Variants in VANGL1 observed in about 807,000 individuals in gnomAD.
VANGL1 encodes the protein vang-like protein 1.
In VANGL1, 18 loss-of-function variants were observed where a neutral mutation model predicts 48.4. The observed-to-expected ratio is 0.37, with a 90% CI of 0.26 to 0.55. The LOEUF is 0.55. VANGL1 is among the 20% of genes least tolerant of loss of function. VANGL1 has a pLI of 0.81. For missense variants in VANGL1, 667 were observed against 675.8 expected, an observed-to-expected ratio of 0.99 and a Z score of 0.14; for synonymous variants, 257 against 261.8, an observed-to-expected ratio of 0.98 and a Z score of 0.18.
intron 1 of VANGL1, among the ~76,000 whole-genome samples, chr1:115,648,696 G>A (rs1319150670): frequency 2.0e-5 from 3 of 152,186 alleles, no homozygotes; most frequent in Non-Finnish European, 2.9e-5. Flanking sequence ...ATGGGGCAGG[G>A]TTGGATAAGC....
chr1:115,654,906 A>C (rs1652285977), intron 2 of VANGL1, among the ~76,000 whole-genome samples: 1 of 152,146 alleles, frequency 6.6e-6, no homozygotes, highest in Admixed American at 6.5e-5. Context: ...GGGCAGTGTT[A>C]TTTGCCTAAA....
Position 115,691,916 on chromosome 1 carries a change from A to G in VANGL1, c.*537A>G, listed in dbSNP as rs910430708. The G allele has an allele frequency of 1.9e-5, 3 of 154,216 alleles. No individual in the cohort carries two copies. Among genetic ancestry groups the G allele is most frequent in the African/African-American group, 7.2e-5 (3 of 41,602 alleles). 9.6% of individuals were successfully genotyped at this position (154,216 alleles called of 1,614,324 possible). ...TTCTTTGTTGCCTTAGGTTCTTCAG[A>G]GAAAGATCACAACAAAAAATGTACA... On this transcript the variant is annotated 3_prime_UTR_variant, in exon 8 of 8. Coordinates refer to ENST00000355485, the MANE Select transcript of VANGL1 (RefSeq NM_138959.3).
At chr1:115,667,694 G>A (rs1164988658) in intron 4 of VANGL1, among the ~76,000 whole-genome samples, 1 of 152,192 alleles carries the variant, frequency 6.6e-6, no homozygotes, top group African/African-American at 2.4e-5. Flanking sequence ...TACACACCTT[G>A]CTCGTCACTT....
At chr1:115,681,575 C>G (rs914193749) in intron 4 of VANGL1, among the ~76,000 whole-genome samples, 1 of 147,056 alleles carries the variant, frequency 6.8e-6, no homozygotes, top group Non-Finnish European at 1.5e-5. Context: ...GGTGCAGTCT[C>G]GGCTCACTGC....
At position 115,694,672 on chromosome 1, in the gene VANGL1, G is replaced by A. The variant is rs569511862; in HGVS notation, c.*3293G>A. 6.6e-6 allele frequency: 1 copy of A among 152,182 alleles called. No individual in the cohort carries two copies. The highest frequency in any genetic ancestry group is 6.5e-5 in the Admixed American group (1 of 15,284). 9.4% of individuals were successfully genotyped at this position (152,182 alleles called of 1,614,324 possible). ...CAGCCACTCAGTGAAACCAACAAAAGTGAGTCCTTGGTTTACCTTCCAATC... is the reference window on the plus strand; with the variant it reads ...CAGCCACTCAGTGAAACCAACAAAAATGAGTCCTTGGTTTACCTTCCAATC... On this transcript the variant is annotated 3_prime_UTR_variant, in exon 8 of 8. Transcript: ENST00000355485.
At chr1:115,678,239 G>A (rs1653239547) in intron 4 of VANGL1, among the ~76,000 whole-genome samples, 1 of 152,194 alleles carries the variant, frequency 6.6e-6, no homozygotes. Flanking sequence ...GGGGACTGGA[G>A]GATTCGAAAA....
At chr1:115,644,180 A>G (rs1651831053) in intron 1 of VANGL1, among the ~76,000 whole-genome samples, 1 of 152,244 alleles carries the variant, frequency 6.6e-6, no homozygotes, top group Non-Finnish European at 1.5e-5. Context: ...CTAAGAACAC[A>G]GGTTCTGGAG....
At position 115,692,065 on chromosome 1, in the gene VANGL1, G is replaced by C. The variant is rs1419334781; in HGVS notation, c.*686G>C. 1 of 153,284 alleles carries C rather than the reference G, an allele frequency of 6.5e-6. No individual in the cohort carries two copies. Among genetic ancestry groups the C allele is most frequent in the Non-Finnish European group, 1.5e-5 (1 of 68,602 alleles). 9.5% of individuals were successfully genotyped at this position (153,284 alleles called of 1,614,324 possible). On this transcript the variant is annotated 3_prime_UTR_variant, in exon 8 of 8. Transcript: ENST00000355485. Reference sequence around the variant, plus strand: ...CAGGTAACCCTTTCCCAGCCCTGCAGCTGCCCACCTGGCCTCCATGCCATC... The same window carrying C: ...CAGGTAACCCTTTCCCAGCCCTGCACCTGCCCACCTGGCCTCCATGCCATC...
chr1:115,672,325 A>G (rs1377180204), intron 4 of VANGL1, among the ~76,000 whole-genome samples: 1 of 152,174 alleles, frequency 6.6e-6, no homozygotes, highest in Admixed American at 6.5e-5. Context: ...ATTTCAAACC[A>G]AAAGCCAGGT....
intron 4 of VANGL1, among the ~76,000 whole-genome samples, chr1:115,673,594 CTTT>C (rs960453479): frequency 6.1e-4 from 66 of 108,582 alleles, no homozygotes; most frequent in African/African-American, 2.7e-3. Flanking sequence ...TGTATGTCCT[CTTT>C]TTTTTTTTTT....
In VANGL1 at chr1:115,697,939, G is replaced by A. The variant is rs2101048931; in HGVS notation, c.*6560G>A. On this transcript the variant is annotated 3_prime_UTR_variant, in exon 8 of 8. Coordinates refer to ENST00000355485, the MANE Select transcript of VANGL1 (RefSeq NM_138959.3). The stretch of plus-strand genomic sequence containing the variant: ...CATAAACTGGGTAGTGGGCTCTTTT[G>A]ACACATTTGCAAGCATGTAAATGAA... The A allele has an allele frequency of 6.6e-6, 1 of 152,280 alleles. No homozygotes were observed. The highest frequency in any genetic ancestry group is 3.4e-3 in the Middle Eastern group (1 of 294). 9.4% of individuals were successfully genotyped at this position (152,280 alleles called of 1,614,324 possible).
In VANGL1 at chr1:115,696,850, G is replaced by A. The variant is rs530179804; in HGVS notation, c.*5471G>A. 10 of 152,148 alleles carry A rather than the reference G, an allele frequency of 6.6e-5. No homozygotes were observed. The highest frequency in any genetic ancestry group is 1.5e-4 in the Non-Finnish European group (10 of 68,034). 9.4% of individuals were successfully genotyped at this position (152,148 alleles called of 1,614,324 possible). A position where few individuals can be genotyped will look rare whatever the true frequency, so the allele number is the denominator to read the frequency against. On this transcript the variant is annotated 3_prime_UTR_variant, in exon 8 of 8. Coordinates refer to ENST00000355485, the MANE Select transcript of VANGL1 (RefSeq NM_138959.3). ...CTCAGCTTACAAACATCAGCGTTTTGTCCTTGTCATAGTGGAAGAAAGACA... is the reference window on the plus strand; with the variant it reads ...CTCAGCTTACAAACATCAGCGTTTTATCCTTGTCATAGTGGAAGAAAGACA...
Position 115,687,215 on chromosome 1 carries a change from A to G in VANGL1, c.1314+1688A>G, listed in dbSNP as rs990904031. 5.7e-5 allele frequency among the ~76,000 whole-genome samples: 8 copies of G among 139,232 alleles called. 1 individual carries two copies. Among genetic ancestry groups the G allele is most frequent in the Middle Eastern group, 3.5e-3 (1 of 284 alleles). The allele number at this position is 139,232 out of a possible 152,430, so 91.3% of individuals were successfully genotyped here. A position where few individuals can be genotyped will look rare whatever the true frequency, so the allele number is the denominator to read the frequency against. On this transcript the variant is annotated intron_variant, in intron 7 of 7. Coordinates refer to ENST00000355485, the MANE Select transcript of VANGL1 (RefSeq NM_138959.3). ...ATATACACAAAGGTGGTGTTTTGCA[A>G]AACAATCTGTAATCCTCCACAATGG...
At chr1:115,672,097 C>T (rs1473022998) in intron 4 of VANGL1, among the ~76,000 whole-genome samples, 1 of 152,172 alleles carries the variant, frequency 6.6e-6, no homozygotes, top group African/African-American at 2.4e-5. Context: ...AGAATGGTGT[C>T]CTCCGGGCAT....
chr1:115,687,877 C>T (rs1653687274), intron 7 of VANGL1, among the ~76,000 whole-genome samples: 1 of 135,948 alleles, frequency 7.4e-6, no homozygotes, highest in Non-Finnish European at 1.6e-5. Flanking sequence ...CTACCTGCCT[C>T]AGCCTTGCAA....
intron 1 of VANGL1, among the ~76,000 whole-genome samples, chr1:115,650,564 T>A (rs1652101017): frequency 6.6e-6 from 1 of 152,212 alleles, no homozygotes; most frequent in South Asian, 2.1e-4. Flanking sequence ...TAATGTTGGT[T>A]CACTGTGTAT....
intron 2 of VANGL1, among the ~76,000 whole-genome samples, chr1:115,657,547 T>C (rs9428077): frequency 0.11 from 17,098 of 152,184 alleles, 977 homozygotes; most frequent in East Asian, 0.2. Context: ...TAAATTGGGG[T>C]AGGATGTGAG....
chr1:115,649,185 G>C (rs917008186), intron 1 of VANGL1, among the ~76,000 whole-genome samples: 9 of 152,158 alleles, frequency 5.9e-5, no homozygotes, highest in African/African-American at 2.2e-4. Flanking sequence ...AAAAAAAGAT[G>C]ACTCAGCCCT....
chr1:115,659,686 C>T lies in VANGL1; in HGVS notation c.117C>T (p.Gly39=). 6.2e-7 allele frequency: 1 copy of T among 1,614,100 alleles called. No homozygotes were observed. Among genetic ancestry groups the T allele is most frequent in the Non-Finnish European group, 8.5e-7 (1 of 1,180,018 alleles). Residue 39 remains glycine (G), a synonymous_variant, in exon 3 of 8, where the codon GGC becomes GGT. Transcript: ENST00000355485. ...ERHKSPRNKD[G]RGSEKSVTIQ... ...ACAAGTCACCCCGGAATAAAGACGGCAGAGGGTCAGAAAAGTCTGTCACCA... is the reference window on the plus strand; with the variant it reads ...ACAAGTCACCCCGGAATAAAGACGGTAGAGGGTCAGAAAAGTCTGTCACCA...
Sources: allele counts gnomAD v4.1 joint callset (sites outside exome capture counted in the v4.1 genomes callset), GRCh38; gene constraint gnomAD v4.1.1; transcripts MANE v1.5; gene names NCBI Gene and HGNC (gene_info 2026-07-23, HGNC 2026-07-21).